Variants in HS6ST3 observed in about 807,000 individuals in gnomAD.
The protein encoded by HS6ST3 is heparan sulfate 6-O-sulfotransferase 3.
A neutral mutation model predicts 36.7 loss-of-function variants in HS6ST3; 12 were observed. That is an observed-to-expected ratio of 0.33 (90% confidence interval 0.21 to 0.53). The LOEUF (loss-of-function observed/expected upper bound fraction) is 0.53, where lower values mean the gene tolerates loss of function less well. Among genes scored for constraint, HS6ST3 ranks in the 20% least tolerant of loss-of-function variants. HS6ST3 has a pLI of 0.95. For synonymous variants in HS6ST3, 240 were observed against 257.5 expected (o/e 0.93, Z 0.65); for missense variants, 584 against 640.9 (o/e 0.91, Z 0.96).
chr13:96,373,645 A>G (rs1011074996), intron 1 of HS6ST3, among the ~76,000 whole-genome samples: 25 of 152,172 alleles, frequency 1.6e-4, no homozygotes, highest in African/African-American at 5.6e-4. Flanking sequence ...TTGTTAACAA[A>G]TATGTGATTT....
chr13:96,599,313 C>T (rs2056413074), intron 1 of HS6ST3, among the ~76,000 whole-genome samples: 1 of 152,032 alleles, frequency 6.6e-6, no homozygotes, highest in Admixed American at 6.6e-5. Context: ...TATTCATTCT[C>T]ACTGCTTGTT....
intron 1 of HS6ST3, among the ~76,000 whole-genome samples, chr13:96,271,840 C>G (rs1434808553): frequency 6.6e-6 from 1 of 151,948 alleles, no homozygotes; most frequent in Non-Finnish European, 1.5e-5. Context: ...TTGGATAACT[C>G]TAAACTGACA....
chr13:96,328,414 C>G (rs1428876240), intron 1 of HS6ST3, among the ~76,000 whole-genome samples: 1 of 152,002 alleles, frequency 6.6e-6, no homozygotes. Context: ...TTGTCCAAGG[C>G]CTTTTCTGCA....
chr13:96,257,188 A>G (rs2054641381), intron 1 of HS6ST3, among the ~76,000 whole-genome samples: 1 of 152,172 alleles, frequency 6.6e-6, no homozygotes, highest in Non-Finnish European at 1.5e-5. Context: ...CTTGAGATTA[A>G]TGGGTTTAAC....
chr13:96,562,893 G>T (rs897818642), intron 1 of HS6ST3, among the ~76,000 whole-genome samples: 3 of 151,996 alleles, frequency 2.0e-5, no homozygotes, highest in African/African-American at 7.2e-5. Flanking sequence ...CTCACAGAAG[G>T]TCAGGATAGG....
At chr13:96,428,990 A>G (rs4341632) in intron 1 of HS6ST3, among the ~76,000 whole-genome samples, 136,094 of 152,228 alleles carry the variant, frequency 0.89, 61,112 homozygotes, top group African/African-American at 0.97. Context: ...TCACGTGCCC[A>G]TATTACAGCT....
intron 1 of HS6ST3, among the ~76,000 whole-genome samples, chr13:96,654,255 T>C (rs1441800330): frequency 6.6e-6 from 1 of 152,212 alleles, no homozygotes; most frequent in Non-Finnish European, 1.5e-5. Flanking sequence ...GCCATTGCTT[T>C]TGGTGTTTTA....
intron 1 of HS6ST3, among the ~76,000 whole-genome samples, chr13:96,583,804 CT>C (rs2056351028): frequency 6.6e-6 from 1 of 152,116 alleles, no homozygotes; most frequent in African/African-American, 2.4e-5. Context: ...GAGGCCTCCC[CT>C]GATCACTCTT....
chr13:96,442,667 A>C (rs2055678477), intron 1 of HS6ST3, among the ~76,000 whole-genome samples: 1 of 152,094 alleles, frequency 6.6e-6, no homozygotes. Flanking sequence ...GCAGGATGAC[A>C]TTTCTGTAGC....
At chr13:96,267,849 C>T (rs929937041) in intron 1 of HS6ST3, among the ~76,000 whole-genome samples, 1 of 151,800 alleles carries the variant, frequency 6.6e-6, no homozygotes, top group African/African-American at 2.4e-5. Context: ...GGTTGGTTAC[C>T]ATTGGGCTTA....
rs561987875 is a variant in HS6ST3 at position 96,343,237 on chromosome 13, A to G, written c.707+251668A>G. Among the ~76,000 whole-genome samples the G allele has an allele frequency of 5.3e-5, 8 of 152,346 alleles. No individual in the cohort carries two copies. The South Asian group carries it at 1.7e-3, about 32-fold the overall frequency. ...CAGACTTAATAGTATCAAACAAAAC[A>G]GATGCATTATCTATCGGTCAGAAGT... is the stretch of plus-strand genomic sequence containing the variant. On this transcript the variant is annotated intron_variant, in intron 1 of 1. Transcript: ENST00000376705.
rs1396251975 is a variant in HS6ST3 at position 96,539,072 on chromosome 13, A to G, written c.708-293418A>G. On this transcript the variant is annotated intron_variant, in intron 1 of 1. Transcript: ENST00000376705. ...TTACTCTCCCAGGGTTTCTCAGGGA[A>G]GTATTTTCAAATGAGAATTATGTCC... 3.9e-5 allele frequency among the ~76,000 whole-genome samples: 6 copies of G among 152,192 alleles called. No homozygotes were observed. The East Asian group carries it at 1.2e-3, about 29-fold the overall frequency.
intron 1 of HS6ST3, among the ~76,000 whole-genome samples, chr13:96,210,027 G>A (rs1048338305): frequency 1.3e-5 from 2 of 152,204 alleles, no homozygotes; most frequent in African/African-American, 4.8e-5. Flanking sequence ...CTATAGAACA[G>A]AGTAGATGCT....
At chr13:96,268,805 T>TA (rs2054705334) in intron 1 of HS6ST3, among the ~76,000 whole-genome samples, 1 of 151,864 alleles carries the variant, frequency 6.6e-6, no homozygotes, top group Non-Finnish European at 1.5e-5. Context: ...TAACTTGACA[T>TA]AAAAAATTTG....
intron 1 of HS6ST3, among the ~76,000 whole-genome samples, chr13:96,653,235 G>A (rs1420995043): frequency 6.6e-6 from 1 of 151,996 alleles, no homozygotes; most frequent in Non-Finnish European, 1.5e-5. Context: ...TATACTTTAA[G>A]TTCTGGGATA....
intron 1 of HS6ST3, among the ~76,000 whole-genome samples, chr13:96,814,396 G>A (rs567691160): frequency 2.0e-5 from 3 of 152,066 alleles, no homozygotes; most frequent in South Asian, 2.1e-4. Context: ...TGAGAAAATC[G>A]TGGCGAGTTG....
intron 1 of HS6ST3, among the ~76,000 whole-genome samples, chr13:96,192,386 A>G (rs2054292470): frequency 6.6e-6 from 1 of 152,106 alleles, no homozygotes; most frequent in African/African-American, 2.4e-5. Context: ...TAGTGTACCC[A>G]TTACTGAAAT....
intron 1 of HS6ST3, among the ~76,000 whole-genome samples, chr13:96,290,956 C>G (rs2054826908): frequency 6.6e-6 from 1 of 152,166 alleles, no homozygotes; most frequent in Non-Finnish European, 1.5e-5. Context: ...TAATGCCCTT[C>G]TCTGGGCTAT....
chr13:96,298,786 A>C (rs2054867600), intron 1 of HS6ST3, among the ~76,000 whole-genome samples: 2 of 152,200 alleles, frequency 1.3e-5, no homozygotes, highest in African/African-American at 2.4e-5. Flanking sequence ...GTAACAGCTC[A>C]GCAGAAGTGA....
Sources: allele counts gnomAD v4.1 joint callset (sites outside exome capture counted in the v4.1 genomes callset), GRCh38; gene constraint gnomAD v4.1.1; transcripts MANE v1.5; gene names NCBI Gene and HGNC (gene_info 2026-07-23, HGNC 2026-07-21).